ADGRA1: variants seen among roughly 807,000 people sequenced by gnomAD.
ADGRA1 encodes adhesion G protein-coupled receptor A1, also known as G-protein coupled receptor 123.
In ADGRA1, 12 loss-of-function variants were observed where a neutral mutation model predicts 21.3. The observed-to-expected ratio is 0.56, with a 90% confidence interval of 0.36 to 0.91. ADGRA1 has a LOEUF of 0.91. ADGRA1 is among the 40% of genes least tolerant of loss of function. The probability of loss-of-function intolerance (pLI) is 0.01; values close to 1 mark genes in which losing one functional copy is unlikely to be tolerated. For synonymous variants in ADGRA1, 385 were observed against 368.8 expected (o/e 1.04, Z -0.50); for missense variants, 790 against 805.6 (o/e 0.98, Z 0.23).
intron 2 of ADGRA1, among the ~76,000 whole-genome samples, chr10:133,095,118 C>T (rs1052985095): frequency 4.5e-4 from 68 of 152,142 alleles, no homozygotes; most frequent in Non-Finnish European, 7.4e-5. Context: ...CACAGTTGGC[C>T]GGGCTGTCCC....
Position 133,130,840 on chromosome 10 carries a change from TCACA to T in ADGRA1, c.*1335_*1338del, listed in dbSNP as rs777507396. 5.7e-5 allele frequency: 8 copies of T among 141,102 alleles called. No individual in the cohort carries two copies. Among genetic ancestry groups the T allele is most frequent in the East Asian group, 2.4e-4 (1 of 4,182 alleles). The allele number at this position is 141,102 out of a possible 1,614,324, so 8.7% of individuals were successfully genotyped here. A position where few individuals can be genotyped will look rare whatever the true frequency, so the allele number is the denominator to read the frequency against. ...GCACACACACCCAAACACGTGCATA[TCACA>T]CACACGCACACACACAAACACGTGC... On this transcript the variant is annotated 3_prime_UTR_variant, in exon 7 of 7. Transcript: ENST00000392607.
In ADGRA1 at chr10:133,093,270, A is replaced by G. The variant is rs750675095; in HGVS notation, c.4-3704A>G. The G allele has an allele frequency of 1.9e-6, 3 of 1,572,520 alleles. No individual in the cohort carries two copies. The Admixed American group carries it at 5.3e-5, about 28-fold the overall frequency. The stretch of plus-strand genomic sequence containing the variant: ...ACTGCTGCAGAAAGGTTAAGTTTTG[A>G]TCAGAAAATTCACACATAACTTGAC... On this transcript the variant is annotated intron_variant, in intron 2 of 6. Coordinates refer to ENST00000392607, the MANE Select transcript of ADGRA1 (RefSeq NM_001083909.3).
intron 2 of ADGRA1, among the ~76,000 whole-genome samples, chr10:133,096,172 C>G (rs1358394676): frequency 6.6e-6 from 1 of 152,194 alleles, no homozygotes; most frequent in Non-Finnish European, 1.5e-5. Context: ...TGCCCCGAGG[C>G]CCCCTCCTGG....
intron 3 of ADGRA1, 101 bp from the exon 4 acceptor site, chr10:133,098,539 C>A (rs934804172): frequency 9.0e-6 from 13 of 1,442,472 alleles, no homozygotes; most frequent in Admixed American, 4.3e-5. Context: ...ACGGAGAGCC[C>A]GGACTTCCCG....
chr10:133,110,613 T>TGAGA (rs111780901), intron 5 of ADGRA1, among the ~76,000 whole-genome samples: 1 of 151,874 alleles, frequency 6.6e-6, no homozygotes, highest in Non-Finnish European at 1.5e-5. Flanking sequence ...AAAGAAAGCC[T>TGAGA]GAGAGAGAGA....
At chr10:133,093,648 G>C (rs1851640346) in intron 2 of ADGRA1, among the ~76,000 whole-genome samples, 1 of 152,224 alleles carries the variant, frequency 6.6e-6, no homozygotes, top group Non-Finnish European at 1.5e-5. Flanking sequence ...AAGAAGGTCG[G>C]GGCCACCTTC....
intron 5 of ADGRA1, among the ~76,000 whole-genome samples, chr10:133,117,681 C>A (rs1852184783): frequency 6.6e-6 from 1 of 152,268 alleles, no homozygotes; most frequent in Non-Finnish European, 1.5e-5. Flanking sequence ...GTGTCCCTGA[C>A]CTCAGCTGAG....
At chr10:133,091,400 G>A (rs976041582) in intron 2 of ADGRA1, among the ~76,000 whole-genome samples, 1 of 152,304 alleles carries the variant, frequency 6.6e-6, no homozygotes. Context: ...ATGGTGTGGT[G>A]TGAAGATGTC....
chr10:133,120,345 C>T (rs954158876), intron 5 of ADGRA1, among the ~76,000 whole-genome samples: 3 of 152,162 alleles, frequency 2.0e-5, no homozygotes, highest in African/African-American at 4.8e-5. Flanking sequence ...GTGGAGGTTG[C>T]AGTGAGCCAA....
chr10:133,109,855 T>C (rs775286055), intron 5 of ADGRA1, among the ~76,000 whole-genome samples: 203 of 152,354 alleles, frequency 1.3e-3, no homozygotes, highest in Admixed American at 3.7e-3. Context: ...TTTCATACTT[T>C]GTTCTGAGGC....
intron 4 of ADGRA1, among the ~76,000 whole-genome samples, chr10:133,101,334 AAAGAGATGGCCGTGAGC>A (rs1851789744): frequency 6.6e-6 from 1 of 152,236 alleles, no homozygotes; most frequent in Admixed American, 6.5e-5. Flanking sequence ...CTATGGCAAC[AAAGAGATGGCCGTGAGC>A]CCCATTCGCA....
intron 2 of ADGRA1, chr10:133,095,917 G>C: frequency 8.7e-7 from 1 of 1,149,888 alleles, no homozygotes; most frequent in Non-Finnish European, 1.2e-6. Flanking sequence ...CATCCATGGC[G>C]TGGTCAGAGT....
chr10:133,105,118 T>C (rs55636545), intron 5 of ADGRA1, among the ~76,000 whole-genome samples: 3,642 of 152,278 alleles, frequency 0.024, 139 homozygotes, highest in African/African-American at 0.081. Context: ...AGCAGAAATT[T>C]AGTTCCTGAG....
At chr10:133,123,719 C>A (rs185332503) in intron 5 of ADGRA1, among the ~76,000 whole-genome samples, 5 of 151,986 alleles carry the variant, frequency 3.3e-5, no homozygotes, top group Non-Finnish European at 5.9e-5. Flanking sequence ...CTCCCTCCCC[C>A]CCCCCGGCAC....
At chr10:133,127,546 C>T (rs1298790116) in intron 6 of ADGRA1, among the ~76,000 whole-genome samples, 1 of 152,126 alleles carries the variant, frequency 6.6e-6, no homozygotes, top group Non-Finnish European at 1.5e-5. Context: ...TAATCTTTGC[C>T]TTTGGACAAG....
chr10:133,094,593 G>A (rs1242500614), intron 2 of ADGRA1, among the ~76,000 whole-genome samples: 2 of 152,168 alleles, frequency 1.3e-5, no homozygotes, highest in Non-Finnish European at 2.9e-5. Context: ...TGAGAACGAA[G>A]TCCTTGTTCC....
intron 5 of ADGRA1, among the ~76,000 whole-genome samples, chr10:133,122,083 C>T (rs987577508): frequency 1.3e-5 from 2 of 152,136 alleles, no homozygotes; most frequent in African/African-American, 2.4e-5. Flanking sequence ...TGCAAGCATA[C>T]GTGTGTGCAC....
chr10:133,115,915 G>A (rs1456213624), intron 5 of ADGRA1, among the ~76,000 whole-genome samples: 1 of 152,072 alleles, frequency 6.6e-6, no homozygotes, highest in Non-Finnish European at 1.5e-5. Context: ...GGGAGAGCTG[G>A]CGCTTTGCTC....
chr10:133,121,627 ATG>A (rs1418884125), intron 5 of ADGRA1, among the ~76,000 whole-genome samples: 1 of 70,416 alleles, frequency 1.4e-5, no homozygotes, highest in South Asian at 4.8e-4. Flanking sequence ...TGTGTGTGTG[ATG>A]TGTGCCAGTG....
Sources: allele counts gnomAD v4.1 joint callset (sites outside exome capture counted in the v4.1 genomes callset), GRCh38; gene constraint gnomAD v4.1.1; transcripts MANE v1.5; gene names NCBI Gene and HGNC (gene_info 2026-07-23, HGNC 2026-07-21).